MICU1: variants seen among roughly 807,000 people sequenced by gnomAD.
MICU1 encodes mitochondrial calcium uptake 1.
In MICU1, 45 loss-of-function variants were observed where a neutral mutation model predicts 56.8. That is an observed-to-expected ratio of 0.79 (90% CI 0.62 to 1.02). The LOEUF is 1.02. Ranked by LOEUF, MICU1 falls within the 50% of genes least tolerant of loss-of-function variation. MICU1 has a pLI of 0.00. For missense variants in MICU1, 504 were observed against 587.1 expected (o/e 0.86, Z 1.46); for synonymous variants, 186 against 195.1 (o/e 0.95, Z 0.39).
At chr10:72,612,796 GTC>G (rs1374297030) in intron 1 of MICU1, among the ~76,000 whole-genome samples, 1 of 148,818 alleles carries the variant, frequency 6.7e-6, no homozygotes, top group Non-Finnish European at 1.5e-5. Context: ...GTGAGACCCT[GTC>G]TCAAAAAAAA....
intron 8 of MICU1, among the ~76,000 whole-genome samples, chr10:72,442,677 A>C (rs900349168): frequency 2.6e-5 from 4 of 152,176 alleles, no homozygotes; most frequent in African/African-American, 9.7e-5. Context: ...TTTTTCCAAA[A>C]CATATTAAAC....
At chr10:72,587,791 TAAATAAATAAAAC>T in intron 1 of MICU1, among the ~76,000 whole-genome samples, 1 of 151,870 alleles carries the variant, frequency 6.6e-6, no homozygotes, top group South Asian at 2.1e-4. Flanking sequence ...CATAAATAAA[TAAATAAATAAAAC>T]AAATAAATAA....
At chr10:72,495,524 C>T (rs757435676) in intron 6 of MICU1, among the ~76,000 whole-genome samples, 60 of 151,924 alleles carry the variant, frequency 3.9e-4, no homozygotes, top group Non-Finnish European at 6.5e-4. Flanking sequence ...AGCGTGGTGG[C>T]GGGTGCCTGT....
intron 1 of MICU1, among the ~76,000 whole-genome samples, chr10:72,610,013 G>A (rs1841800508): frequency 6.6e-6 from 1 of 151,546 alleles, no homozygotes; most frequent in African/African-American, 2.4e-5. Flanking sequence ...CCAAGCCTGA[G>A]CGACAGAGCG....
rs555330942 is a variant in MICU1, at chr10:72,441,722, T to C, written c.934-18351A>G. ...ACCTCTGCCTTCTGGGTTCAAGTGA[T>C]TCTTGTGCCTCAGCCTCCCAAGTAG... On this transcript the variant is annotated intron_variant, in intron 8 of 11. Coordinates refer to ENST00000361114, the MANE Select transcript of MICU1 (RefSeq NM_001195518.2). Among the ~76,000 whole-genome samples, 82 of 151,066 alleles carry C rather than the reference T, an allele frequency of 5.4e-4. 1 individual carries two copies. The Middle Eastern group carries it at 0.01, about 19-fold the overall frequency.
At chr10:72,557,196 G>A (rs761358765) in intron 3 of MICU1, among the ~76,000 whole-genome samples, 1 of 152,138 alleles carries the variant, frequency 6.6e-6, no homozygotes. Flanking sequence ...CCAATAAAAT[G>A]AAATTGTCTT....
At chr10:72,624,227 C>G (rs575419392) in intron 1 of MICU1, among the ~76,000 whole-genome samples, 1 of 152,176 alleles carries the variant, frequency 6.6e-6, no homozygotes, top group Non-Finnish European at 1.5e-5. Context: ...CAGGGTATCG[C>G]TCTGTCGCCC....
intron 8 of MICU1, among the ~76,000 whole-genome samples, chr10:72,474,193 T>C (rs1866036309): frequency 7.4e-6 from 1 of 135,860 alleles, no homozygotes; most frequent in African/African-American, 2.8e-5. Flanking sequence ...GAGGTGGAGG[T>C]TGCAGTGAGC....
chr10:72,527,664 C>T (rs1398343844), intron 5 of MICU1, among the ~76,000 whole-genome samples: 1 of 151,696 alleles, frequency 6.6e-6, no homozygotes, highest in Non-Finnish European at 1.5e-5. Flanking sequence ...TTTCTCAATC[C>T]GTAAAATGAT....
At chr10:72,518,739 G>A (rs1867730930) in intron 5 of MICU1, among the ~76,000 whole-genome samples, 1 of 152,150 alleles carries the variant, frequency 6.6e-6, no homozygotes, top group Admixed American at 6.5e-5. Context: ...CTGAAGTGCA[G>A]TGGAATGATC....
chr10:72,409,724 TA>T (rs1189453926), intron 9 of MICU1, among the ~76,000 whole-genome samples: 21 of 152,184 alleles, frequency 1.4e-4, no homozygotes, highest in African/African-American at 5.1e-4. Context: ...ACTGTATGAT[TA>T]TATCACATGA....
At chr10:72,563,855 T>A (rs545526186) in intron 2 of MICU1, among the ~76,000 whole-genome samples, 1 of 152,182 alleles carries the variant, frequency 6.6e-6, no homozygotes, top group Admixed American at 6.5e-5. Context: ...ATTCTCATTC[T>A]CCCCTTGTCC....
chr10:72,411,094 G>T (rs988180557), intron 9 of MICU1, among the ~76,000 whole-genome samples: 1 of 151,718 alleles, frequency 6.6e-6, no homozygotes, highest in Non-Finnish European at 1.5e-5. Context: ...ATTATGCCAA[G>T]TGAAATAAAC....
intron 4 of MICU1, among the ~76,000 whole-genome samples, chr10:72,541,945 T>G (rs1839783180): frequency 6.6e-6 from 1 of 152,164 alleles, no homozygotes; most frequent in East Asian, 1.9e-4. Context: ...ATCCACAACT[T>G]ATAGCAGTGA....
chr10:72,491,245 G>A (rs1029749197), intron 6 of MICU1, among the ~76,000 whole-genome samples: 4 of 152,160 alleles, frequency 2.6e-5, no homozygotes, highest in Non-Finnish European at 4.4e-5. Flanking sequence ...TCCTAAGTCT[G>A]TAAGCCAATT....
At chr10:72,470,793 A>G (rs1163746524) in intron 8 of MICU1, among the ~76,000 whole-genome samples, 2 of 152,206 alleles carry the variant, frequency 1.3e-5, no homozygotes, top group East Asian at 3.9e-4. Context: ...ATTACTAGCC[A>G]CTTACAGAAC....
At chr10:72,384,856 T>C (rs556498191) in intron 10 of MICU1, among the ~76,000 whole-genome samples, 2 of 152,314 alleles carry the variant, frequency 1.3e-5, no homozygotes, top group East Asian at 3.9e-4. Flanking sequence ...TTACCAAATG[T>C]AATGATGAAC....
chr10:72,577,084 T>A (rs1315529895), intron 1 of MICU1, among the ~76,000 whole-genome samples: 1 of 152,106 alleles, frequency 6.6e-6, no homozygotes, highest in Admixed American at 6.6e-5. Context: ...ATCTCTGGAA[T>A]GGAAAACCAA....
At chr10:72,474,351 T>A (rs1866047394) in intron 8 of MICU1, among the ~76,000 whole-genome samples, 2 of 150,088 alleles carry the variant, frequency 1.3e-5, no homozygotes, top group South Asian at 4.2e-4. Flanking sequence ...GTCAAGAAAT[T>A]AGAGACTAGA....
Sources: gnomAD v4.1 joint callset for allele counts (sites outside exome capture counted in the v4.1 genomes callset) on GRCh38, gnomAD v4.1.1 for gene constraint, MANE v1.5 for transcripts, NCBI Gene and HGNC (gene_info 2026-07-23, HGNC 2026-07-21) for gene names.